Variants in JPH3 observed in about 807,000 individuals in gnomAD.
JPH3 encodes junctophilin 3.
Under a neutral mutation model 59.6 loss-of-function variants are expected in JPH3, and 11 were observed. The observed-to-expected ratio is 0.18, with a 90% CI of 0.12 to 0.31. JPH3 has a LOEUF of 0.31. Among genes scored for constraint, JPH3 ranks in the 10% least tolerant of loss-of-function variants. The pLI is 1.00. For missense variants in JPH3, 1,202 were observed against 1,105.7 expected, an observed-to-expected ratio of 1.09 and a Z score of -1.24; for synonymous variants, 673 against 483.6, an observed-to-expected ratio of 1.39 and a Z score of -5.14.
chr16:87,691,531 C>A (rs1178720650), intron 4 of JPH3, among the ~76,000 whole-genome samples: 1 of 152,090 alleles, frequency 6.6e-6, no homozygotes, highest in Non-Finnish European at 1.5e-5. Flanking sequence ...GGTTTATTGT[C>A]GACGCTGCGG....
intron 2 of JPH3, among the ~76,000 whole-genome samples, chr16:87,647,659 A>C (rs1335911352): frequency 6.6e-6 from 1 of 152,050 alleles, no homozygotes; most frequent in African/African-American, 2.4e-5. Context: ...TGAGAAAGGG[A>C]CTGGCTCACC....
chr16:87,633,246 TC>T (rs2031621050), intron 1 of JPH3, among the ~76,000 whole-genome samples: 1 of 151,854 alleles, frequency 6.6e-6, no homozygotes, highest in Non-Finnish European at 1.5e-5. Flanking sequence ...TGCCTCTGAG[TC>T]CCTTCATAGA....
In JPH3 at chr16:87,603,320, C is replaced by G; in HGVS notation, c.174C>G (p.Gly58=). The G allele has an allele frequency of 6.2e-7, 1 of 1,613,228 alleles. No homozygotes were observed. Among genetic ancestry groups the G allele is most frequent in the Non-Finnish European group, 8.5e-7 (1 of 1,179,778 alleles). Residue 58 remains glycine, a synonymous_variant, in exon 1 of 5, where the codon GGC becomes GGG. Transcript: ENST00000284262. ...TGGGCGTCTACACCTGGCCCAGCGGCAACACGTACCAGGGCACCTGGGCGC... is the reference window on the plus strand; with the variant it reads ...TGGGCGTCTACACCTGGCCCAGCGGGAACACGTACCAGGGCACCTGGGCGC... ...EVLGVYTWPS[G]NTYQGTWAQG...
At chr16:87,656,487 A>C (rs573816599) in intron 2 of JPH3, among the ~76,000 whole-genome samples, 1 of 152,352 alleles carries the variant, frequency 6.6e-6, no homozygotes, top group East Asian at 1.9e-4. Context: ...CGACGGGATC[A>C]GATTACGGAG....
intron 2 of JPH3, among the ~76,000 whole-genome samples, chr16:87,659,078 A>C (rs1329398163): frequency 6.6e-6 from 1 of 152,172 alleles, no homozygotes; most frequent in Non-Finnish European, 1.5e-5. Context: ...CTTTGTCGCG[A>C]CGGCTGCTGG....
chr16:87,673,791 T>C (rs1408384126), intron 2 of JPH3, among the ~76,000 whole-genome samples: 2 of 151,974 alleles, frequency 1.3e-5, no homozygotes, highest in Non-Finnish European at 2.9e-5. Context: ...CTGGGTGTGA[T>C]GGCGGGCACC....
chr16:87,654,815 C>T (rs1418195621), intron 2 of JPH3: 2 of 152,296 alleles, frequency 1.3e-5, no homozygotes, highest in Non-Finnish European at 2.9e-5. Flanking sequence ...GATGCTGCTC[C>T]CGTGGGCTCT....
intron 2 of JPH3, among the ~76,000 whole-genome samples, chr16:87,675,784 CACTGCTTCTG>C (rs1567610101): frequency 6.6e-6 from 1 of 152,238 alleles, no homozygotes; most frequent in African/African-American, 2.4e-5. Flanking sequence ...TGTTCCCCAG[CACTGCTTCTG>C]ACCCAGGAGG....
At chr16:87,642,772 C>T (rs757972264) in intron 1 of JPH3, among the ~76,000 whole-genome samples, 8 of 152,234 alleles carry the variant, frequency 5.3e-5, no homozygotes, top group Admixed American at 3.9e-4. Flanking sequence ...AGTCCTGGTT[C>T]CACTCTACAG....
Position 87,695,163 on chromosome 16 carries a change from G to A in JPH3, c.2167-1417G>A, listed in dbSNP as rs193183551. The stretch of plus-strand genomic sequence containing the variant: ...GCAGCTGCTTCGTTGTGGGTGGGGG[G>A]AAGGGGGAGGCCCGTTGTTCGGGCT... On this transcript the variant is annotated intron_variant, in intron 4 of 4. Coordinates refer to ENST00000284262, the MANE Select transcript of JPH3 (RefSeq NM_020655.4). 9.1e-4 allele frequency: 336 copies of A among 369,572 alleles called. 1 individual carries two copies. The highest frequency in any genetic ancestry group is 6.7e-3 in the African/African-American group (316 of 47,266). 22.9% of individuals were successfully genotyped at this position (369,572 alleles called of 1,614,324 possible). A position where few individuals can be genotyped will look rare whatever the true frequency, so the allele number is the denominator to read the frequency against.
In JPH3 at chr16:87,628,760, A is replaced by G. The variant is rs555004496; in HGVS notation, c.383-15498A>G. Among the ~76,000 whole-genome samples the G allele has an allele frequency of 8.6e-5, 13 of 151,928 alleles. No individual in the cohort carries two copies. In the East Asian group the frequency reaches 1.4e-3, roughly 16 times the overall value. On this transcript the variant is annotated intron_variant, in intron 1 of 4. Coordinates refer to ENST00000284262, the MANE Select transcript of JPH3 (RefSeq NM_020655.4). ...AGTGGCCTTGGAGGCGTCAGCCTTC[A>G]TGGGAGGTGGGAGAGCTTTGCCGTC...
intron 1 of JPH3, among the ~76,000 whole-genome samples, chr16:87,643,437 C>T (rs1308564109): frequency 6.9e-6 from 1 of 145,332 alleles, no homozygotes; most frequent in Non-Finnish European, 1.5e-5. Flanking sequence ...AGGTCATGGG[C>T]CACTGTCCCT....
intron 2 of JPH3, among the ~76,000 whole-genome samples, chr16:87,681,656 G>C (rs1326815275): frequency 6.6e-6 from 1 of 151,838 alleles, no homozygotes; most frequent in Admixed American, 6.6e-5. Flanking sequence ...GGGAGGTCAG[G>C]TGCGCGCGGT....
chr16:87,615,138 G>C (rs916434474), intron 1 of JPH3, among the ~76,000 whole-genome samples: 1 of 152,254 alleles, frequency 6.6e-6, no homozygotes, highest in Non-Finnish European at 1.5e-5. Flanking sequence ...TGGCTCTCCT[G>C]AGGGTTCACA....
intron 2 of JPH3, among the ~76,000 whole-genome samples, chr16:87,679,270 G>GA (rs1200380569): frequency 6.9e-6 from 1 of 144,512 alleles, no homozygotes; most frequent in Non-Finnish European, 1.5e-5. Flanking sequence ...TTTTTTAAAT[G>GA]AAAAATGGGG....
intron 1 of JPH3, among the ~76,000 whole-genome samples, chr16:87,635,281 C>A (rs72810145): frequency 0.23 from 35,484 of 152,108 alleles, 4,706 homozygotes; most frequent in Non-Finnish European, 0.31. Context: ...GGTGGAGCAC[C>A]TGGTGAGGGC....
intron 4 of JPH3, among the ~76,000 whole-genome samples, chr16:87,691,092 C>CG (rs1030047075): frequency 2.7e-5 from 4 of 149,736 alleles, no homozygotes; most frequent in African/African-American, 5.0e-5. Context: ...CAGCACCCCC[C>CG]CCCCAAATTC....
chr16:87,681,397 C>T (rs1319698361), intron 2 of JPH3, among the ~76,000 whole-genome samples: 3 of 134,424 alleles, frequency 2.2e-5, no homozygotes, highest in African/African-American at 5.8e-5. Context: ...GTCAGGTGCG[C>T]GCGGTCGTGA....
intron 2 of JPH3, among the ~76,000 whole-genome samples, chr16:87,682,179 G>C (rs934926323): frequency 1.3e-5 from 2 of 152,108 alleles, no homozygotes; most frequent in African/African-American, 4.8e-5. Context: ...CGTGTTCTTG[G>C]CTGTGGTTTA....
Sources: allele counts gnomAD v4.1 joint callset (sites outside exome capture counted in the v4.1 genomes callset), GRCh38; gene constraint gnomAD v4.1.1; transcripts MANE v1.5; gene names NCBI Gene and HGNC (gene_info 2026-07-23, HGNC 2026-07-21).